RAB20: variants seen among roughly 807,000 people sequenced by gnomAD.
RAB20 encodes the protein ras-related protein Rab-20.
RAB20 carries 2 observed loss-of-function variants against 3.7 expected under a neutral mutation model. The observed-to-expected ratio is 0.54, with a 90% CI of 0.22 to 1.69. The LOEUF (loss-of-function observed/expected upper bound fraction) is 1.69. RAB20 is among the 40% of genes most tolerant of loss of function. RAB20 has a pLI of 0.19. For missense variants in RAB20, 276 were observed against 311.9 expected, an observed-to-expected ratio of 0.88 and a Z score of 0.87; for synonymous variants, 126 against 130.8, an observed-to-expected ratio of 0.96 and a Z score of 0.25.
intron 1 of RAB20, among the ~76,000 whole-genome samples, chr13:110,536,930 T>G (rs1283820377): frequency 3.7e-5 from 1 of 26,794 alleles, no homozygotes; most frequent in African/African-American, 1.4e-4. Context: ...CCCTCCCCCC[T>G]CCCCCCACCC....
rs1353258333 is a variant in RAB20, at chr13:110,523,810, C to T, written c.560G>A (p.Gly187Asp). Residue 187 changes from glycine (G) to aspartate (D), a missense_variant, in exon 2 of 2, where the codon GGC becomes GAC. By Grantham distance (94) the Gly-to-Asp change is moderately conservative. Coordinates refer to ENST00000267328, the MANE Select transcript of RAB20 (RefSeq NM_017817.3). ...QMCFETSAKT[G>D]YNVDLLFETL... The stretch of plus-strand genomic sequence containing the variant: ...CTCAAACAGGAGGTCCACATTGTAG[C>T]CGGTCTTGGCGCTGGTCTCAAAGCA... The T allele has an allele frequency of 1.2e-6, 2 of 1,614,096 alleles. No homozygotes were observed. Among genetic ancestry groups the T allele is most frequent in the Non-Finnish European group, 1.7e-6 (2 of 1,180,048 alleles).
intron 1 of RAB20, among the ~76,000 whole-genome samples, chr13:110,534,254 T>C (rs1884601041): frequency 6.6e-6 from 1 of 152,174 alleles, no homozygotes; most frequent in Admixed American, 6.5e-5. Flanking sequence ...AAAGCAACCT[T>C]GCCTGAGCTC....
chr13:110,527,032 T>C (rs1884442072), intron 1 of RAB20, among the ~76,000 whole-genome samples: 1 of 152,024 alleles, frequency 6.6e-6, no homozygotes. Context: ...CTTTGGAGCA[T>C]GGACTGAACG....
At chr13:110,544,360 A>G (rs1356763096) in intron 1 of RAB20, among the ~76,000 whole-genome samples, 1 of 152,182 alleles carries the variant, frequency 6.6e-6, no homozygotes, top group African/African-American at 2.4e-5. Context: ...CTCAAAATTG[A>G]GCAAGAATTT....
At chr13:110,529,248 G>A (rs1432107715) in intron 1 of RAB20, among the ~76,000 whole-genome samples, 1 of 152,216 alleles carries the variant, frequency 6.6e-6, no homozygotes, top group South Asian at 2.1e-4. Flanking sequence ...GCGTTTTCTG[G>A]AAGTTTGTGA....
intron 1 of RAB20, among the ~76,000 whole-genome samples, chr13:110,541,876 T>A (rs1884769979): frequency 6.6e-6 from 1 of 151,166 alleles, no homozygotes; most frequent in South Asian, 2.1e-4. Context: ...CATGCACACA[T>A]ACACATACTC....
chr13:110,548,488 AAAAATAAAAAC>A (rs1203838507), intron 1 of RAB20, among the ~76,000 whole-genome samples: 6 of 113,592 alleles, frequency 5.3e-5, no homozygotes, highest in Admixed American at 4.4e-4. Context: ...TCTCAAAAAC[AAAAATAAAAAC>A]AAAAAAAAAC....
intron 1 of RAB20, among the ~76,000 whole-genome samples, chr13:110,551,162 G>A (rs1481545354): frequency 6.6e-6 from 1 of 152,166 alleles, no homozygotes; most frequent in African/African-American, 2.4e-5. Flanking sequence ...CTCCAAGTGA[G>A]TAAAACCCAA....
intron 1 of RAB20, among the ~76,000 whole-genome samples, chr13:110,548,311 C>A (rs1309287910): frequency 6.6e-6 from 1 of 152,000 alleles, no homozygotes; most frequent in Non-Finnish European, 1.5e-5. Flanking sequence ...TGGTGAAACC[C>A]CAATTCTACA....
chr13:110,527,900 T>TACACACACACAC (rs61582404), intron 1 of RAB20, among the ~76,000 whole-genome samples: 2,271 of 138,140 alleles, frequency 0.016, 41 homozygotes, highest in Non-Finnish European at 0.021. Context: ...TCTCTACAAA[T>TACACACACACAC]ACACACACAC....
chr13:110,541,495 T>C (rs1884762944), intron 1 of RAB20, among the ~76,000 whole-genome samples: 1 of 152,252 alleles, frequency 6.6e-6, no homozygotes, highest in Non-Finnish European at 1.5e-5. Context: ...CACCTCGTTC[T>C]TATCTTCTCA....
intron 1 of RAB20, among the ~76,000 whole-genome samples, chr13:110,545,257 T>G (rs1354754855): frequency 1.3e-5 from 2 of 152,242 alleles, no homozygotes; most frequent in Non-Finnish European, 2.9e-5. Flanking sequence ...TTTTCCACGA[T>G]GCAATTATTA....
chr13:110,561,308 G>A, intron 1 of RAB20, 40 bp downstream of exon 1: 1 of 1,522,496 alleles, frequency 6.6e-7, no homozygotes, highest in Non-Finnish European at 8.8e-7. Flanking sequence ...GTCCCCGGCG[G>A]AGCCCCAGGG....
intron 1 of RAB20, among the ~76,000 whole-genome samples, chr13:110,554,039 T>C (rs1884999584): frequency 6.6e-6 from 1 of 152,162 alleles, no homozygotes; most frequent in Non-Finnish European, 1.5e-5. Flanking sequence ...TGCTTGAGCC[T>C]GGGAGTTTGA....
intron 1 of RAB20, among the ~76,000 whole-genome samples, chr13:110,550,366 T>C (rs555443391): frequency 2.8e-4 from 43 of 152,246 alleles, no homozygotes; most frequent in African/African-American, 1.0e-3. Context: ...AGCAAATTAA[T>C]TGAACCCAAA....
chr13:110,541,524 G>C (rs1191299178), intron 1 of RAB20, among the ~76,000 whole-genome samples: 1 of 152,202 alleles, frequency 6.6e-6, no homozygotes, highest in Non-Finnish European at 1.5e-5. Flanking sequence ...AGATTCGCTA[G>C]AAGATTTCCA....
At chr13:110,556,751 T>TG (rs1885045249) in intron 1 of RAB20, among the ~76,000 whole-genome samples, 1 of 152,172 alleles carries the variant, frequency 6.6e-6, no homozygotes, top group South Asian at 2.1e-4. Context: ...AGGCTGGTCT[T>TG]GAACTCCTAG....
intron 1 of RAB20, among the ~76,000 whole-genome samples, chr13:110,525,002 C>T (rs902938119): frequency 7.9e-5 from 12 of 152,250 alleles, no homozygotes; most frequent in African/African-American, 2.4e-4. Flanking sequence ...ATCAAACCCT[C>T]GGGACACAGC....
At position 110,546,700 on chromosome 13, in the gene RAB20, G is replaced by GTT. The variant is rs67435229; in HGVS notation, c.172+14646_172+14647dup. Among the ~76,000 whole-genome samples the GTT allele has an allele frequency of 3.6e-3, 523 of 145,680 alleles. 14 individuals carry two copies. The highest frequency in any genetic ancestry group is 7.2e-3 in the Middle Eastern group (2 of 278). On this transcript the variant is annotated intron_variant, in intron 1 of 1. Coordinates refer to ENST00000267328, the MANE Select transcript of RAB20 (RefSeq NM_017817.3). ...TGTGAACAGTACAAGCTGAACTTCT[G>GTT]TTTTTTTTTGTTTTTTGGGTTTTTT...
Sources: allele counts gnomAD v4.1 joint callset (sites outside exome capture counted in the v4.1 genomes callset), GRCh38; gene constraint gnomAD v4.1.1; transcripts MANE v1.5; gene names NCBI Gene and HGNC (gene_info 2026-07-23, HGNC 2026-07-21).